The following CDH23 variants were observed in gnomAD, a reference collection of about 807,000 sequenced individuals.
CDH23 encodes cadherin related 23.
Under a neutral mutation model 317.1 loss-of-function variants are expected in CDH23, and 189 were observed. The ratio of observed to expected loss-of-function variants is 0.60; its 90% CI spans 0.53 to 0.67. CDH23 has a LOEUF of 0.67. CDH23 is among the 30% of genes least tolerant of loss of function. The probability of loss-of-function intolerance (pLI) is 0.00; values close to 1 mark genes in which losing one functional copy is unlikely to be tolerated. For missense variants in CDH23, 4,401 were observed against 4,592.4 expected, an observed-to-expected ratio of 0.96 and a Z score of 1.20; for synonymous variants, 1,839 against 1,876.8, an observed-to-expected ratio of 0.98 and a Z score of 0.52.
In CDH23 at chr10:71,525,365, G is replaced by C. The variant is rs549783462; in HGVS notation, c.429+14153G>C. Among the ~76,000 whole-genome samples the C allele has an allele frequency of 7.4e-4, 112 of 152,318 alleles. No homozygotes were observed. In the Middle Eastern group the frequency reaches 0.01, roughly 14 times the overall value. On this transcript the variant is annotated intron_variant, in intron 6 of 69. Transcript: ENST00000224721. The stretch of plus-strand genomic sequence containing the variant: ...AGGTGCTTTGGAGGCAGAGCAGTGG[G>C]ACATGTGTTCTAAAGTGCACCCCTG...
intron 14 of CDH23, among the ~76,000 whole-genome samples, chr10:71,665,552 G>C (rs1863852456): frequency 6.6e-6 from 1 of 152,238 alleles, no homozygotes; most frequent in Non-Finnish European, 1.5e-5. Context: ...AGGGTGTGAG[G>C]CTGCAGCCGC....
chr10:71,709,237 A>T (rs756324249), intron 27 of CDH23, 26 bp downstream of exon 27: 2 of 1,592,810 alleles, frequency 1.3e-6, no homozygotes, highest in East Asian at 2.2e-5. Context: ...GCACCCACCA[A>T]CACAGTGATC....
intron 30 of CDH23, among the ~76,000 whole-genome samples, chr10:71,730,224 G>C (rs1839319571): frequency 1.3e-5 from 2 of 152,226 alleles, no homozygotes; most frequent in African/African-American, 4.8e-5. Context: ...CACAGCATTA[G>C]TCAAAAAGCC....
At chr10:71,544,280 T>C (rs755005921) in intron 6 of CDH23, among the ~76,000 whole-genome samples, 1 of 152,116 alleles carries the variant, frequency 6.6e-6, no homozygotes, top group Non-Finnish European at 1.5e-5. Flanking sequence ...TAAACTCTCC[T>C]CATCCAGTGG....
intron 6 of CDH23, among the ~76,000 whole-genome samples, chr10:71,517,900 C>T (rs535218674): frequency 1.3e-5 from 2 of 152,294 alleles, no homozygotes; most frequent in African/African-American, 2.4e-5. Flanking sequence ...TGGTCTGTCC[C>T]CTCTGTCAGC....
At chr10:71,667,400 G>GTGTATGTGTGTA (rs1564720402) in intron 14 of CDH23, among the ~76,000 whole-genome samples, 1 of 143,718 alleles carries the variant, frequency 7.0e-6, no homozygotes, top group East Asian at 2.1e-4. Context: ...GTGTGTGCGC[G>GTGTATGTGTGTA]TGTGTGTGTG....
chr10:71,730,552 C>T lies in CDH23; in HGVS notation c.3663C>T (p.Thr1221=), dbSNP rs777865713. The part of the protein sequence containing the change: ...QQYSRLGLRE[T]AGIGTSVIVV... ...ACAGCCGTCTGGGGCTTCGAGAGAC[C>T]GCAGGCATTGGAACGTCAGTCATCG... is the stretch of plus-strand genomic sequence containing the variant. The change falls in exon 31 of 70, where the codon ACC becomes ACT. Residue 1221 remains threonine, a synonymous_variant. Coordinates refer to ENST00000224721, the MANE Select transcript of CDH23 (RefSeq NM_022124.6). 17 of 1,613,824 alleles carry T rather than the reference C, an allele frequency of 1.1e-5. No individual in the cohort carries two copies. Among genetic ancestry groups the T allele is most frequent in the East Asian group, 8.9e-5 (4 of 44,892 alleles).
intron 7 of CDH23, 43 bp from the exon 8 acceptor site, chr10:71,570,747 C>T (rs375938555): frequency 6.4e-7 from 1 of 1,566,664 alleles, no homozygotes; most frequent in South Asian, 1.2e-5. Flanking sequence ...AGTGTCCCCA[C>T]CATCACTCAA....
chr10:71,743,975 G>T (rs1398557434), intron 38 of CDH23, among the ~76,000 whole-genome samples: 2 of 152,176 alleles, frequency 1.3e-5, no homozygotes, highest in Non-Finnish European at 1.5e-5. Context: ...ATGGCAAAGG[G>T]CTATGGCAGC....
intron 34 of CDH23, among the ~76,000 whole-genome samples, chr10:71,736,020 G>A (rs936542996): frequency 1.2e-4 from 18 of 152,362 alleles, no homozygotes; most frequent in African/African-American, 4.3e-4. Context: ...CCCTCACACA[G>A]CAGGTGTTGC....
intron 14 of CDH23, among the ~76,000 whole-genome samples, chr10:71,672,229 G>A (rs1359828914): frequency 1.3e-5 from 2 of 152,078 alleles, no homozygotes; most frequent in African/African-American, 4.8e-5. Context: ...CCAGGTCCTG[G>A]GAGCTACACG....
intron 3 of CDH23, among the ~76,000 whole-genome samples, chr10:71,462,160 G>T (rs1042696861): frequency 5.3e-5 from 8 of 152,258 alleles, no homozygotes; most frequent in Non-Finnish European, 1.0e-4. Context: ...TTAAGAGGGG[G>T]CCCATGGGGG....
chr10:71,739,179 G>A (rs908153420), intron 35 of CDH23, among the ~76,000 whole-genome samples: 29 of 152,194 alleles, frequency 1.9e-4, no homozygotes, highest in African/African-American at 6.8e-4. Context: ...AAGTGTGTAG[G>A]TTCAGACCTC....
At chr10:71,708,961 A>T in intron 26 of CDH23, 137 bp from the exon 27 acceptor site, 1 of 774,016 alleles carries the variant, frequency 1.3e-6, no homozygotes, top group Non-Finnish European at 2.2e-6. Flanking sequence ...AGAGCACCTC[A>T]GGCAGGGCCG....
chr10:71,760,722 G>A lies in CDH23; in HGVS notation c.4846-16958G>A. Reference sequence around the variant, plus strand: ...GGATTGCACCAAGGAGGAAGCAGAAGGGATGTGCAGCAGCAGAAAAGGAGG... The same window carrying A: ...GGATTGCACCAAGGAGGAAGCAGAAAGGATGTGCAGCAGCAGAAAAGGAGG... On this transcript the variant is annotated intron_variant, in intron 38 of 69. Coordinates refer to ENST00000224721, the MANE Select transcript of CDH23 (RefSeq NM_022124.6). The A allele has an allele frequency of 4.1e-6, 3 of 732,000 alleles. No homozygotes were observed. In the South Asian group the frequency reaches 4.8e-5, roughly 12 times the overall value. 45.3% of individuals were successfully genotyped at this position (732,000 alleles called of 1,614,324 possible). A position where few individuals can be genotyped will look rare whatever the true frequency, so the allele number is the denominator to read the frequency against.
Position 71,814,870 on chromosome 10 carries a change from T to C in CDH23, c.9739-82T>C, listed in dbSNP as rs541836999. 14 of 1,444,716 alleles carry C rather than the reference T, an allele frequency of 9.7e-6. No homozygotes were observed. The African/African-American group carries it at 1.3e-4, about 13-fold the overall frequency. 89.5% of individuals were successfully genotyped at this position (1,444,716 alleles called of 1,614,324 possible). ...GGTAGGAGCCCAAGGTTCAGCCACA[T>C]AGCCAGTGGGTCTCTGGGGCCATCC... On this transcript the variant is annotated intron_variant, in intron 69 of 69. Coordinates refer to ENST00000224721, the MANE Select transcript of CDH23 (RefSeq NM_022124.6).
intron 7 of CDH23, among the ~76,000 whole-genome samples, chr10:71,570,180 T>G (rs956625698): frequency 3.3e-5 from 5 of 152,010 alleles, no homozygotes; most frequent in African/African-American, 1.2e-4. Context: ...ACCCTGGAGC[T>G]CCCCCTGCTG....
intron 6 of CDH23, among the ~76,000 whole-genome samples, chr10:71,538,254 T>A (rs1169042941): frequency 2.0e-5 from 3 of 152,060 alleles, no homozygotes; most frequent in Non-Finnish European, 4.4e-5. Context: ...CTTCTCACAG[T>A]CTCCAGCATG....
At chr10:71,422,531 TTCCCCA>T (rs1328378877) in intron 1 of CDH23, among the ~76,000 whole-genome samples, 2 of 152,238 alleles carry the variant, frequency 1.3e-5, no homozygotes, top group Non-Finnish European at 2.9e-5. Context: ...GGGCCTCAGT[TTCCCCA>T]TCTGTGAAAT....
Sources: allele counts gnomAD v4.1 joint callset (sites outside exome capture counted in the v4.1 genomes callset), GRCh38; gene constraint gnomAD v4.1.1; transcripts MANE v1.5; gene names NCBI Gene and HGNC (gene_info 2026-07-23, HGNC 2026-07-21).